Variants in NTM observed in about 807,000 individuals in gnomAD.
NTM encodes the protein IgLON family member 2.
A neutral mutation model predicts 42.1 loss-of-function variants in NTM; 13 were observed. The ratio of observed to expected loss-of-function variants is 0.31; its 90% CI spans 0.20 to 0.49. The LOEUF (loss-of-function observed/expected upper bound fraction) is 0.49, where lower values mean the gene tolerates loss of function less well. NTM is among the 20% of genes least tolerant of loss of function. The pLI is 0.99. For missense variants in NTM, 373 were observed against 452.8 expected, an observed-to-expected ratio of 0.82 and a Z score of 1.60; for synonymous variants, 187 against 179.2, an observed-to-expected ratio of 1.04 and a Z score of -0.35.
At chr11:131,389,933 C>T (rs539075970) in intron 1 of NTM, among the ~76,000 whole-genome samples, 16 of 152,252 alleles carry the variant, frequency 1.1e-4, no homozygotes, top group African/African-American at 1.4e-4. Flanking sequence ...GTGGATGAGG[C>T]CACTGGTTTG....
chr11:132,259,486 C>T (rs2092709448), intron 4 of NTM, among the ~76,000 whole-genome samples: 2 of 151,884 alleles, frequency 1.3e-5, no homozygotes, highest in South Asian at 4.2e-4. Context: ...TTGAGACCAG[C>T]CCGACCAACA....
chr11:131,405,004 C>A (rs1339148584), intron 1 of NTM, among the ~76,000 whole-genome samples: 1 of 152,138 alleles, frequency 6.6e-6, no homozygotes, highest in Non-Finnish European at 1.5e-5. Context: ...TATTCCCCTG[C>A]AAAACAACAA....
At chr11:131,791,045 G>A (rs2090858666) in intron 1 of NTM, among the ~76,000 whole-genome samples, 1 of 152,190 alleles carries the variant, frequency 6.6e-6, no homozygotes, top group Admixed American at 6.5e-5. Flanking sequence ...GTTATTGTGA[G>A]AAAATAAGTT....
At chr11:131,554,427 T>C (rs921446175) in intron 1 of NTM, among the ~76,000 whole-genome samples, 2 of 152,088 alleles carry the variant, frequency 1.3e-5, no homozygotes, top group Non-Finnish European at 2.9e-5. Context: ...ATGAGACTTT[T>C]GGCAGGAAAA....
intron 4 of NTM, among the ~76,000 whole-genome samples, chr11:132,236,401 C>G (rs1403666594): frequency 6.6e-6 from 1 of 152,144 alleles, no homozygotes; most frequent in African/African-American, 2.4e-5. Context: ...AGATAATAGA[C>G]TTGGAATCAA....
At chr11:132,326,618 C>T (rs545532320) in intron 7 of NTM, among the ~76,000 whole-genome samples, 1 of 152,330 alleles carries the variant, frequency 6.6e-6, no homozygotes, top group African/African-American at 2.4e-5. Flanking sequence ...CTCATCTCAG[C>T]AACCTTCTTG....
intron 2 of NTM, among the ~76,000 whole-genome samples, chr11:131,963,419 C>T (rs2134547464): frequency 6.6e-6 from 1 of 152,298 alleles, no homozygotes; most frequent in Admixed American, 6.5e-5. Flanking sequence ...TTAAAGAAAA[C>T]ATGTCCTCTG....
At chr11:131,411,000 AC>A (rs1946338941) in intron 1 of NTM, among the ~76,000 whole-genome samples, 1 of 151,926 alleles carries the variant, frequency 6.6e-6, no homozygotes. Flanking sequence ...TAAACATTTC[AC>A]CCTCATTTGC....
rs537045461 is a variant in NTM at position 132,110,521 on chromosome 11, G to T, written c.168-35761G>T. On this transcript the variant is annotated intron_variant, in intron 2 of 8. Coordinates refer to ENST00000683400, the MANE Select transcript of NTM (RefSeq NM_001352005.2). ...TGGGGCTTAATGCCTTTCCATTTTT[G>T]GCTGAAGGGCTTCACTGCAAATGCT... Among the ~76,000 whole-genome samples, 3 of 152,204 alleles carry T rather than the reference G, an allele frequency of 2.0e-5. No homozygotes were observed. The South Asian group carries it at 6.2e-4, about 32-fold the overall frequency.
At chr11:132,215,069 C>A (rs951893755) in intron 4 of NTM, among the ~76,000 whole-genome samples, 1 of 152,204 alleles carries the variant, frequency 6.6e-6, no homozygotes, top group African/African-American at 2.4e-5. Context: ...CATCTTTCCC[C>A]AGTAGTATTT....
intron 2 of NTM, among the ~76,000 whole-genome samples, chr11:132,130,355 G>GA (rs367934875): frequency 2.4e-4 from 36 of 150,278 alleles, no homozygotes; most frequent in South Asian, 4.2e-4. Flanking sequence ...CTCTCAAGTG[G>GA]AAAAAAAAAG....
At chr11:132,109,573 A>G (rs1234781699) in intron 2 of NTM, among the ~76,000 whole-genome samples, 1 of 152,196 alleles carries the variant, frequency 6.6e-6, no homozygotes. Context: ...AGAACCTTTC[A>G]TACTTAAAAT....
At chr11:132,142,157 G>T (rs1362432961) in intron 2 of NTM, among the ~76,000 whole-genome samples, 1 of 152,172 alleles carries the variant, frequency 6.6e-6, no homozygotes, top group Non-Finnish European at 1.5e-5. Context: ...GTCTGATCTG[G>T]GAACATCCCG....
At chr11:132,018,375 A>G (rs2073782568) in intron 2 of NTM, among the ~76,000 whole-genome samples, 1 of 151,992 alleles carries the variant, frequency 6.6e-6, no homozygotes. Context: ...TTTCTAAGGT[A>G]CCTTTTGTAG....
intron 1 of NTM, chr11:131,795,083 C>A (rs572493604): frequency 1.7e-6 from 1 of 590,050 alleles, no homozygotes; most frequent in Non-Finnish European, 2.1e-6. Context: ...TTTATTTAAA[C>A]TGTTCACATC....
chr11:132,214,956 C>T (rs1008499897), intron 4 of NTM, among the ~76,000 whole-genome samples: 10 of 152,202 alleles, frequency 6.6e-5, no homozygotes, highest in Non-Finnish European at 1.3e-4. Context: ...TCAGAACTCA[C>T]CAGAGTGCCA....
chr11:131,967,992 A>G (rs1259300029), intron 2 of NTM, among the ~76,000 whole-genome samples: 4 of 152,204 alleles, frequency 2.6e-5, no homozygotes, highest in East Asian at 3.9e-4. Context: ...AATAATTGCC[A>G]TTATACCAAC....
intron 1 of NTM, among the ~76,000 whole-genome samples, chr11:131,403,380 A>T (rs1945460131): frequency 6.6e-6 from 1 of 152,162 alleles, no homozygotes; most frequent in Non-Finnish European, 1.5e-5. Flanking sequence ...ACTCTTGCAG[A>T]CACTCTCAAC....
chr11:131,952,855 C>G (rs889617921), intron 2 of NTM, among the ~76,000 whole-genome samples: 1 of 152,180 alleles, frequency 6.6e-6, no homozygotes, highest in African/African-American at 2.4e-5. Context: ...CTCTATTTCT[C>G]TCTTCTTGCC....
Sources: gnomAD v4.1 joint callset for allele counts (sites outside exome capture counted in the v4.1 genomes callset) on GRCh38, gnomAD v4.1.1 for gene constraint, MANE v1.5 for transcripts, NCBI Gene and HGNC (gene_info 2026-07-23, HGNC 2026-07-21) for gene names.